Variants in DAB1 observed in about 807,000 individuals in gnomAD.
DAB1 encodes the protein DAB adaptor protein 1, also known as disabled homolog 1.
A neutral mutation model predicts 64.6 loss-of-function variants in DAB1; 15 were observed. The observed-to-expected ratio is 0.23, with a 90% confidence interval of 0.16 to 0.36. The LOEUF (loss-of-function observed/expected upper bound fraction) is 0.36. Among genes scored for constraint, DAB1 ranks in the 10% least tolerant of loss-of-function variants. The pLI is 1.00. For missense variants in DAB1, 596 were observed against 706.7 expected (o/e 0.84, Z 1.78); for synonymous variants, 235 against 251.9 (o/e 0.93, Z 0.64).
chr1:58,185,084 C>T (rs1379492837), intron 4 of DAB1, among the ~76,000 whole-genome samples: 1 of 152,100 alleles, frequency 6.6e-6, no homozygotes, highest in East Asian at 1.9e-4. Flanking sequence ...CAAAACAAAA[C>T]AAAAAACTCA....
chr1:57,205,341 G>C (rs1665450710), intron 2 of DAB1, among the ~76,000 whole-genome samples: 1 of 152,190 alleles, frequency 6.6e-6, no homozygotes, highest in Non-Finnish European at 1.5e-5. Flanking sequence ...GCACCTGGTA[G>C]TGAGTCTAGA....
chr1:58,470,683 C>T (rs1411536299), intron 3 of DAB1, among the ~76,000 whole-genome samples: 1 of 152,156 alleles, frequency 6.6e-6, no homozygotes, highest in Non-Finnish European at 1.5e-5. Flanking sequence ...TATTCCAGAA[C>T]ACGTTTATGA....
Position 58,048,854 on chromosome 1 carries a change from C to T in DAB1, n.387+101657G>A, listed in dbSNP as rs889859727. 72 of 1,006,056 alleles carry T rather than the reference C, an allele frequency of 7.2e-5. No individual in the cohort carries two copies. In the African/African-American group the frequency reaches 1.1e-3, roughly 15 times the overall value. The allele number at this position is 1,006,056 out of a possible 1,614,324, so 62.3% of individuals were successfully genotyped here. ...TTGTCAAAGGTTACAAAGGCAAAGC[C>T]CCTTTTTCTTTGCCACTGCCTCAGT... is the stretch of plus-strand genomic sequence containing the variant. On this transcript the variant is annotated intron_variant and non_coding_transcript_variant, in intron 5 of 20. Coordinates refer to the DAB1 transcript ENST00000485760.
chr1:57,032,829 G>GAACA, intron 9 of DAB1, among the ~76,000 whole-genome samples: 1 of 152,302 alleles, frequency 6.6e-6, no homozygotes, highest in Admixed American at 6.5e-5. Context: ...AATTTGAACA[G>GAACA]ATGTTGACTG....
intron 1 of DAB1, chr1:57,860,702 G>T (rs561622275): frequency 6.6e-6 from 1 of 152,322 alleles, no homozygotes; most frequent in Non-Finnish European, 1.5e-5. Flanking sequence ...GGGGCCAACA[G>T]CTTTGCAATA....
At chr1:57,145,496 A>T in intron 2 of DAB1, 67 bp from the exon 3 acceptor site, 1 of 1,535,028 alleles carries the variant, frequency 6.5e-7, no homozygotes, top group Non-Finnish European at 8.9e-7. Flanking sequence ...AGTATCCACA[A>T]TTCCAAGATC....
intron 7 of DAB1, among the ~76,000 whole-genome samples, chr1:57,540,368 C>G (rs1234051257): frequency 2.6e-5 from 4 of 152,054 alleles, no homozygotes; most frequent in Non-Finnish European, 5.9e-5. Flanking sequence ...TTAGTACAAC[C>G]ACTATGGAAA....
intron 3 of DAB1, among the ~76,000 whole-genome samples, chr1:58,500,103 A>C (rs1645881976): frequency 6.6e-6 from 1 of 152,188 alleles, no homozygotes; most frequent in African/African-American, 2.4e-5. Context: ...AAATATCATT[A>C]CTTTCCCCTT....
At chr1:58,508,351 T>C (rs947559700) in intron 2 of DAB1, among the ~76,000 whole-genome samples, 4 of 152,196 alleles carry the variant, frequency 2.6e-5, no homozygotes, top group Non-Finnish European at 2.9e-5. Flanking sequence ...GATGGAAGAA[T>C]AGGACGCCCT....
intron 2 of DAB1, among the ~76,000 whole-genome samples, chr1:57,148,546 G>A (rs948373360): frequency 6.6e-6 from 1 of 152,158 alleles, no homozygotes; most frequent in Non-Finnish European, 1.5e-5. Flanking sequence ...GTTGGGAATA[G>A]GATCAGTCTT....
At chr1:57,626,215 T>C (rs1645921366) in intron 7 of DAB1, among the ~76,000 whole-genome samples, 1 of 152,140 alleles carries the variant, frequency 6.6e-6, no homozygotes. Flanking sequence ...TATTCCTATT[T>C]GGGTAGCAGT....
At chr1:57,255,258 G>A (rs990403736) in intron 2 of DAB1, among the ~76,000 whole-genome samples, 1 of 151,890 alleles carries the variant, frequency 6.6e-6, no homozygotes, top group Non-Finnish European at 1.5e-5. Context: ...GCCAAACCTG[G>A]GTATGAAATT....
At chr1:57,811,865 G>A (rs112372810) in intron 6 of DAB1, among the ~76,000 whole-genome samples, 9 of 152,298 alleles carry the variant, frequency 5.9e-5, no homozygotes, top group African/African-American at 1.9e-4. Flanking sequence ...TGACAATGCT[G>A]TTCTCAGGGC....
At chr1:57,942,602 T>A (rs1020809573) in intron 5 of DAB1, among the ~76,000 whole-genome samples, 1 of 152,214 alleles carries the variant, frequency 6.6e-6, no homozygotes, top group Non-Finnish European at 1.5e-5. Context: ...TCAATCTTTT[T>A]AAAAAGCTAC....
chr1:57,764,404 A>G (rs975434266), intron 6 of DAB1, among the ~76,000 whole-genome samples: 4 of 152,188 alleles, frequency 2.6e-5, no homozygotes, highest in African/African-American at 4.8e-5. Context: ...CATACCCATC[A>G]TCTCAATCAT....
At chr1:58,296,197 GAAAGAAAGAAAGAA>G (rs1661980719) in intron 4 of DAB1, among the ~76,000 whole-genome samples, 1 of 43,626 alleles carries the variant, frequency 2.3e-5, no homozygotes, top group Non-Finnish European at 4.6e-5. Context: ...GAAAGAAAGA[GAAAGAAAGAAAGAA>G]AGAAAGAAAG....
intron 3 of DAB1, among the ~76,000 whole-genome samples, chr1:58,358,976 A>ACACACACACACACT (rs1644138540): frequency 1.4e-5 from 2 of 145,752 alleles, no homozygotes; most frequent in African/African-American, 5.0e-5. Flanking sequence ...ACACACACAC[A>ACACACACACACACT]CTCAAAGGAT....
At position 57,881,956 on chromosome 1, in the gene DAB1, A is replaced by G. The variant is rs372343328; in HGVS notation, n.87+2043T>C. 3.9e-5 allele frequency among the ~76,000 whole-genome samples: 6 copies of G among 152,342 alleles called. 1 individual carries two copies. Among genetic ancestry groups the G allele is most frequent in the East Asian group, 1.9e-4 (1 of 5,192 alleles). On this transcript the variant is annotated intron_variant and non_coding_transcript_variant, in intron 1 of 1. Transcript: ENST00000477280. ...GAAATATTAAAGGTTTTACAGCTCAATGTTTGACAGGCTTGATTAATCCCT... is the reference window on the plus strand; with the variant it reads ...GAAATATTAAAGGTTTTACAGCTCAGTGTTTGACAGGCTTGATTAATCCCT...
chr1:58,536,783 A>G (rs1646523004), intron 1 of DAB1: 3 of 842,762 alleles, frequency 3.6e-6, no homozygotes, highest in Admixed American at 3.7e-5. Context: ...AAATCATTCC[A>G]GCACATATCA....
Sources: allele counts gnomAD v4.1 joint callset (sites outside exome capture counted in the v4.1 genomes callset), GRCh38; gene constraint gnomAD v4.1.1; transcripts MANE v1.5; gene names NCBI Gene and HGNC (gene_info 2026-07-23, HGNC 2026-07-21).